ELP4: variants seen among roughly 807,000 people sequenced by gnomAD.
ELP4 encodes elongator complex protein 4.
Under a neutral mutation model 48.9 loss-of-function variants are expected in ELP4, and 51 were observed. That is an observed-to-expected ratio of 1.04 (90% CI 0.83 to 1.32). The LOEUF is 1.32. ELP4 is among the 40% of genes most tolerant of loss of function. ELP4 has a pLI of 0.00. For synonymous variants in ELP4, 210 were observed against 189.2 expected (o/e 1.11, Z -0.90); for missense variants, 519 against 514.6 (o/e 1.01, Z -0.08).
rs79034290 is a variant in ELP4 at position 31,624,378 on chromosome 11, A to G, written c.654-2732A>G. ...AGCATGTTACTGGACTGAATAGGCA[A>G]TTGTAATACAAGTATTTGTGTTTCT... On this transcript the variant is annotated intron_variant, in intron 5 of 9. Coordinates refer to ENST00000640961, the MANE Select transcript of ELP4 (RefSeq NM_019040.5). 4.0e-5 allele frequency among the ~76,000 whole-genome samples: 6 copies of G among 151,884 alleles called. No individual in the cohort carries two copies. In the East Asian group the frequency reaches 1.2e-3, roughly 29 times the overall value.
intron 2 of ELP4, among the ~76,000 whole-genome samples, chr11:31,524,429 C>G (rs1353826942): frequency 6.6e-6 from 1 of 152,232 alleles, no homozygotes; most frequent in East Asian, 1.9e-4. Flanking sequence ...TCCTTCAAAA[C>G]CAAGAAGAGA....
rs142711257 is a variant in ELP4, at chr11:31,759,411, C to A, written c.1144-23982C>A. Among the ~76,000 whole-genome samples, 386 of 152,284 alleles carry A rather than the reference C, an allele frequency of 2.5e-3. 4 individuals carry two copies. The highest frequency in any genetic ancestry group is 8.6e-3 in the African/African-American group (357 of 41,556). ...AGCACCTATGCTAACATTAGCCATA[C>A]CTTATTAGGGTAAGGAAAATATATC... On this transcript the variant is annotated intron_variant, in intron 9 of 9. Transcript: ENST00000640961.
At position 31,747,555 on chromosome 11, in the gene ELP4, A is replaced by G. The variant is rs376767301; in HGVS notation, c.1144-35838A>G. ...GAGATACTCACAATATATTAGTTTC[A>G]TAGCCTATATAAAATTCACTTTGGG... On this transcript the variant is annotated intron_variant, in intron 9 of 9. Coordinates refer to ENST00000640961, the MANE Select transcript of ELP4 (RefSeq NM_019040.5). 5.3e-5 allele frequency among the ~76,000 whole-genome samples: 8 copies of G among 152,356 alleles called. No individual in the cohort carries two copies. The South Asian group carries it at 1.7e-3, about 32-fold the overall frequency.
chr11:31,597,942 A>C (rs551120800), intron 4 of ELP4, among the ~76,000 whole-genome samples: 1 of 143,618 alleles, frequency 7.0e-6, no homozygotes, highest in African/African-American at 2.5e-5. Context: ...TAAAGCTTTA[A>C]GCCTTTTCTC....
chr11:31,581,946 A>G (rs1009164698), intron 3 of ELP4, among the ~76,000 whole-genome samples: 1 of 151,924 alleles, frequency 6.6e-6, no homozygotes, highest in African/African-American at 2.4e-5. Flanking sequence ...TAGAGAAAGG[A>G]TCTCACTGTT....
intron 2 of ELP4, among the ~76,000 whole-genome samples, chr11:31,521,981 T>C (rs1321257954): frequency 6.6e-6 from 1 of 152,186 alleles, no homozygotes; most frequent in African/African-American, 2.4e-5. Context: ...CAATACAATA[T>C]AATCTTCTGG....
intron 7 of ELP4, among the ~76,000 whole-genome samples, chr11:31,636,431 G>C (rs1426514115): frequency 6.6e-6 from 1 of 151,820 alleles, no homozygotes; most frequent in Admixed American, 6.6e-5. Context: ...TTCTTGAATT[G>C]TTAAACCAGC....
intron 9 of ELP4, among the ~76,000 whole-genome samples, chr11:31,747,004 A>G (rs1383454360): frequency 1.3e-5 from 2 of 151,896 alleles, no homozygotes; most frequent in Non-Finnish European, 2.9e-5. Flanking sequence ...TTTTAAATAT[A>G]TATGCTATTC....
intron 9 of ELP4, among the ~76,000 whole-genome samples, chr11:31,761,047 G>A (rs192373347): frequency 1.3e-4 from 20 of 152,182 alleles, no homozygotes; most frequent in Admixed American, 9.2e-4. Flanking sequence ...GTTAGGTATC[G>A]GCTTTTTCAG....
At chr11:31,611,140 A>G (rs530509148) in intron 5 of ELP4, among the ~76,000 whole-genome samples, 3 of 152,186 alleles carry the variant, frequency 2.0e-5, no homozygotes, top group South Asian at 2.1e-4. Context: ...TTTTTCTTCA[A>G]CATAGCCCTA....
chr11:31,674,328 C>G (rs1945872650), intron 9 of ELP4, among the ~76,000 whole-genome samples: 1 of 152,124 alleles, frequency 6.6e-6, no homozygotes, highest in Admixed American at 6.5e-5. Context: ...ACATTGGAGA[C>G]ACATTTTTCA....
chr11:31,639,852 CTT>C (rs1945054432), intron 7 of ELP4, among the ~76,000 whole-genome samples: 1 of 151,818 alleles, frequency 6.6e-6, no homozygotes. Flanking sequence ...TCTAAAATAA[CTT>C]TGTGATGTTC....
intron 9 of ELP4, among the ~76,000 whole-genome samples, chr11:31,725,901 G>C (rs927773350): frequency 5.9e-5 from 9 of 152,154 alleles, no homozygotes; most frequent in Admixed American, 1.3e-4. Flanking sequence ...GCTGATAGAA[G>C]GAGTAATTTT....
At chr11:31,614,441 A>G (rs1958038881) in intron 5 of ELP4, among the ~76,000 whole-genome samples, 1 of 152,214 alleles carries the variant, frequency 6.6e-6, no homozygotes, top group African/African-American at 2.4e-5. Context: ...ATCAAAATAA[A>G]TAATGATAGC....
In ELP4 at chr11:31,560,735, C is replaced by CGTTGTTTT. The variant is rs1364492119; in HGVS notation, c.381+20952_381+20953insGTTGTTTT. Among the ~76,000 whole-genome samples, 550 of 148,584 alleles carry CGTTGTTTT rather than the reference C, an allele frequency of 3.7e-3. 1 individual carries two copies. Among genetic ancestry groups the CGTTGTTTT allele is most frequent in the Middle Eastern group, 0.018 (5 of 282 alleles). ...GTTGTTTTATATATATATAAAACAA[C>CGTTGTTTT]ATTGTTTTGTATATATATACGTACA... On this transcript the variant is annotated intron_variant, in intron 3 of 9. Coordinates refer to ENST00000640961, the MANE Select transcript of ELP4 (RefSeq NM_019040.5).
chr11:31,732,012 T>C (rs1250028038), intron 9 of ELP4, among the ~76,000 whole-genome samples: 1 of 152,078 alleles, frequency 6.6e-6, no homozygotes, highest in Non-Finnish European at 1.5e-5. Context: ...TCAGAAGCTG[T>C]GGGAGTTCAT....
chr11:31,646,787 T>C (rs1203972898), intron 7 of ELP4: 1 of 151,524 alleles, frequency 6.6e-6, no homozygotes, highest in Non-Finnish European at 1.5e-5. Flanking sequence ...AAAAATTGTC[T>C]AAGACATCAT....
At chr11:31,540,485 T>A (rs926742846) in intron 3 of ELP4, among the ~76,000 whole-genome samples, 1 of 152,192 alleles carries the variant, frequency 6.6e-6, no homozygotes, top group Admixed American at 6.5e-5. Flanking sequence ...TTAGGCAATT[T>A]TTTTTCTTTT....
At position 31,787,475 on chromosome 11, in the gene ELP4, G is replaced by A. The variant is rs1276971253; in HGVS notation, c.*3951G>A. ...GGAAATTACAGCCAGCGAGAAGGAA[G>A]AAGTAAGCCAGCCAGCAGCTGTGGC... On this transcript the variant is annotated 3_prime_UTR_variant, in exon 10 of 10. Coordinates refer to ENST00000640961, the MANE Select transcript of ELP4 (RefSeq NM_019040.5). 2 of 233,150 alleles carry A rather than the reference G, an allele frequency of 8.6e-6. No homozygotes were observed. The highest frequency in any genetic ancestry group is 1.2e-4 in the East Asian group (2 of 16,594). The allele number at this position is 233,150 out of a possible 1,614,324, so 14.4% of individuals were successfully genotyped here. A position where few individuals can be genotyped will look rare whatever the true frequency, so the allele number is the denominator to read the frequency against.
Sources: gnomAD v4.1 joint callset for allele counts (sites outside exome capture counted in the v4.1 genomes callset) on GRCh38, gnomAD v4.1.1 for gene constraint, MANE v1.5 for transcripts, NCBI Gene and HGNC (gene_info 2026-07-23, HGNC 2026-07-21) for gene names.